The following IREB2 variants were observed in gnomAD, a reference collection of about 807,000 sequenced individuals.
IREB2 encodes the protein iron-responsive element-binding protein 2.
IREB2 carries 39 observed loss-of-function variants against 118.8 expected under a neutral mutation model. The observed-to-expected ratio is 0.33, with a 90% CI of 0.25 to 0.43. IREB2 has a LOEUF of 0.43. IREB2 is among the 20% of genes least tolerant of loss of function. The pLI is 1.00. For missense variants in IREB2, 900 were observed against 1,147.3 expected (o/e 0.78, Z 3.11); for synonymous variants, 372 against 392.2 (o/e 0.95, Z 0.61).
chr15:78,460,551 C>G (rs191302153), intron 2 of IREB2, among the ~76,000 whole-genome samples: 49 of 152,244 alleles, frequency 3.2e-4, no homozygotes, highest in Admixed American at 3.2e-3. Context: ...TGGTTTCGGA[C>G]ACAAGATATC....
At chr15:78,452,144 G>A (rs1053382199) in intron 2 of IREB2, among the ~76,000 whole-genome samples, 5 of 152,284 alleles carry the variant, frequency 3.3e-5, no homozygotes, top group Middle Eastern at 6.8e-3. Context: ...TAGATTTAAT[G>A]GTGATATTGA....
chr15:78,438,572 C>A, intron 1 of IREB2: 1 of 576,512 alleles, frequency 1.7e-6, no homozygotes, highest in South Asian at 2.1e-5. Flanking sequence ...GCGACACCCG[C>A]AGGGCGGGCC....
chr15:78,472,403 G>A (rs996615650), intron 7 of IREB2, among the ~76,000 whole-genome samples: 7 of 148,392 alleles, frequency 4.7e-5, no homozygotes, highest in Admixed American at 1.4e-4. Flanking sequence ...ATCTTGCTCT[G>A]TCACCCAGGT....
intron 2 of IREB2, 48 bp downstream of exon 2, chr15:78,439,929 A>T: frequency 8.8e-7 from 1 of 1,139,846 alleles, no homozygotes. Flanking sequence ...TCTAATAATG[A>T]AAATGCATTT....
chr15:78,471,473 C>T (rs1372596632), intron 6 of IREB2, among the ~76,000 whole-genome samples: 1 of 152,194 alleles, frequency 6.6e-6, no homozygotes, highest in Non-Finnish European at 1.5e-5. Context: ...TCTTCCTTCT[C>T]ATTCCTGAGA....
intron 7 of IREB2, 112 bp downstream of exon 7, chr15:78,472,036 T>C (rs1473854668): frequency 9.7e-6 from 7 of 721,576 alleles, no homozygotes; most frequent in Non-Finnish European, 1.5e-5. Context: ...TCTGTGTTTT[T>C]CATCTGTAAT....
rs8032410 is a variant in IREB2 at position 78,490,631 on chromosome 15, A to T, written c.2194A>T (p.Ile732Phe). ...TTTTACCTTCTAGACCAAAGAGCCAATTGCACTCCAGGCTATTGAAAATGC... is the reference window on the plus strand; with the variant it reads ...TTTTACCTTCTAGACCAAAGAGCCATTTGCACTCCAGGCTATTGAAAATGC... ...SFFDKLTKEP[I>F]ALQAIENAHV... The change falls in exon 18 of 22, where the codon ATT becomes TTT. Residue 732 changes from isoleucine (I) to phenylalanine (F), a missense_variant. By Grantham distance (21) the Ile-to-Phe change is conservative (BLOSUM62 0). Transcript: ENST00000258886. 5.9e-4 allele frequency: 956 copies of T among 1,614,088 alleles called. 6 individuals carry two copies. In the African/African-American group the frequency reaches 0.011, roughly 19 times the overall value.
intron 9 of IREB2, among the ~76,000 whole-genome samples, chr15:78,477,447 G>A (rs2051490522): frequency 6.6e-6 from 1 of 152,154 alleles, no homozygotes; most frequent in Non-Finnish European, 1.5e-5. Context: ...TGTCAGCTGA[G>A]GACTTAGGTA....
At chr15:78,456,665 C>CAAA (rs10717771) in intron 2 of IREB2, among the ~76,000 whole-genome samples, 3 of 130,634 alleles carry the variant, frequency 2.3e-5, no homozygotes, top group African/African-American at 8.4e-5. Context: ...GTCCTTATCT[C>CAAA]AAAAAAAAAA....
intron 14 of IREB2, among the ~76,000 whole-genome samples, 156 bp downstream of exon 14, chr15:78,487,973 A>G (rs1482631324): frequency 6.6e-6 from 1 of 152,234 alleles, no homozygotes; most frequent in Non-Finnish European, 1.5e-5. Context: ...TCAATGAATC[A>G]TTTGTAGATC....
chr15:78,488,550 AATCATTTACTTGATTTCCATGATATGT>A, intron 15 of IREB2, 70 bp from the exon 16 acceptor site: 11 of 1,248,822 alleles, frequency 8.8e-6, no homozygotes, highest in Non-Finnish European at 9.9e-6. Context: ...CACCCTGTTG[AATCATTTACTTGATTTCCATGATATGT>A]CTTTGAAAAG....
intron 20 of IREB2, 113 bp from the exon 21 acceptor site, chr15:78,497,011 GAT>G: frequency 4.4e-6 from 3 of 688,730 alleles, no homozygotes; most frequent in Non-Finnish European, 7.7e-6. Context: ...TTCAGTATGA[GAT>G]ATTAGACTAA....
rs569101932 is a variant in IREB2, at chr15:78,470,948, GC to G, written c.699+355del. 4.6e-3 allele frequency: 723 copies of G among 155,956 alleles called. 3 individuals are homozygous for G. Among genetic ancestry groups the G allele is most frequent in the Non-Finnish European group, 8.0e-3 (570 of 71,284 alleles). 9.7% of individuals were successfully genotyped at this position (155,956 alleles called of 1,614,324 possible). A position where few individuals can be genotyped will look rare whatever the true frequency, so the allele number is the denominator to read the frequency against. On this transcript the variant is annotated intron_variant, in intron 6 of 21. Coordinates refer to ENST00000258886, the MANE Select transcript of IREB2 (RefSeq NM_004136.4). Reference sequence around the variant, plus strand: ...GGCCTCAGGCAATCTGCCTGCCTCGGCCCCCCCCAAAGTGCTGGGACTACAG... The same window carrying G: ...GGCCTCAGGCAATCTGCCTGCCTCGGCCCCCCCAAAGTGCTGGGACTACAG...
intron 10 of IREB2, among the ~76,000 whole-genome samples, chr15:78,479,340 A>G (rs1384640786): frequency 6.6e-6 from 1 of 151,032 alleles, no homozygotes; most frequent in East Asian, 1.9e-4. Context: ...TTAATTTTAC[A>G]TAGAGTTTTA....
intron 4 of IREB2, among the ~76,000 whole-genome samples, chr15:78,465,810 T>A (rs2051272559): frequency 1.3e-5 from 2 of 152,168 alleles, no homozygotes. Context: ...TAAGGCCCCT[T>A]TGACCAAGAC....
At chr15:78,476,443 T>G in intron 9 of IREB2, 84 bp downstream of exon 9, 1 of 943,988 alleles carries the variant, frequency 1.1e-6, no homozygotes, top group Non-Finnish European at 1.5e-6. Context: ...ACCTTATCCA[T>G]GTTATTTACT....
At chr15:78,496,910 A>G (rs1399785930) in intron 20 of IREB2, among the ~76,000 whole-genome samples, 2 of 152,226 alleles carry the variant, frequency 1.3e-5, no homozygotes, top group Admixed American at 1.3e-4. Context: ...CTAGAGCAGC[A>G]GAAAGGGATC....
chr15:78,491,792 A>T (rs547902876), intron 18 of IREB2, among the ~76,000 whole-genome samples: 1 of 152,330 alleles, frequency 6.6e-6, no homozygotes, highest in East Asian at 1.9e-4. Context: ...AACCGTGCCC[A>T]GCCAAAATGT....
intron 5 of IREB2, among the ~76,000 whole-genome samples, chr15:78,469,486 G>C (rs966504792): frequency 1.3e-5 from 2 of 152,112 alleles, no homozygotes; most frequent in African/African-American, 4.8e-5. Flanking sequence ...TTGGGAGGCT[G>C]AGGCGGGTGG....
Sources: gnomAD v4.1 joint callset for allele counts (sites outside exome capture counted in the v4.1 genomes callset) on GRCh38, gnomAD v4.1.1 for gene constraint, MANE v1.5 for transcripts, NCBI Gene and HGNC (gene_info 2026-07-23, HGNC 2026-07-21) for gene names.